Variants in PTPRN2 observed in about 807,000 individuals in gnomAD.
PTPRN2 encodes protein tyrosine phosphatase receptor type N2.
PTPRN2 carries 74 observed loss-of-function variants against 118.8 expected under a neutral mutation model. The observed-to-expected ratio is 0.62, with a 90% CI of 0.52 to 0.76. The LOEUF (loss-of-function observed/expected upper bound fraction) is 0.76. Among genes scored for constraint, PTPRN2 ranks in the 30% least tolerant of loss-of-function variants. PTPRN2 has a pLI of 0.00. For synonymous variants in PTPRN2, 641 were observed against 608.0 expected (o/e 1.05, Z -0.80); for missense variants, 1,481 against 1,394.4 (o/e 1.06, Z -0.99).
chr7:158,044,659 GAAC>G (rs1253202494), intron 11 of PTPRN2, among the ~76,000 whole-genome samples: 6 of 152,220 alleles, frequency 3.9e-5, no homozygotes, highest in African/African-American at 1.4e-4. Context: ...GGGACAAGGA[GAAC>G]CCGTGCTGAA....
chr7:157,944,339 G>A lies in PTPRN2; in HGVS notation c.1724-45602C>T, dbSNP rs1028644361. Reference sequence around the variant, plus strand: ...CAGTGGAGCCCACCACCCAAGCGGGGGCGGTACCACTCCCACCACTGACTG... The same window carrying A: ...CAGTGGAGCCCACCACCCAAGCGGGAGCGGTACCACTCCCACCACTGACTG... On this transcript the variant is annotated intron_variant, in intron 11 of 22. Coordinates refer to ENST00000389418, the MANE Select transcript of PTPRN2 (RefSeq NM_002847.5). The surrounding 1 kb of genome is among the most constrained non-coding windows in gnomAD (Gnocchi z 4.3). Among the ~76,000 whole-genome samples the A allele has an allele frequency of 6.6e-6, 1 of 152,178 alleles. No homozygotes were observed. Among genetic ancestry groups the A allele is most frequent in the Non-Finnish European group, 1.5e-5 (1 of 68,040 alleles).
At chr7:158,036,067 G>A (rs946474474) in intron 11 of PTPRN2, among the ~76,000 whole-genome samples, 3 of 152,138 alleles carry the variant, frequency 2.0e-5, no homozygotes. Flanking sequence ...TTAAAAATAT[G>A]AAGGAAATAC....
rs575508801 is a variant in PTPRN2 at position 158,279,325 on chromosome 7, C to T, written c.277+37494G>A. 1.8e-3 allele frequency among the ~76,000 whole-genome samples: 271 copies of T among 152,302 alleles called. 2 individuals are homozygous for T. Among genetic ancestry groups the T allele is most frequent in the African/African-American group, 6.2e-3 (256 of 41,578 alleles). On this transcript the variant is annotated intron_variant, in intron 3 of 22. Coordinates refer to ENST00000389418, the MANE Select transcript of PTPRN2 (RefSeq NM_002847.5). ...CAATCCTTTAGCTAGACACAGAGCA[C>T]TGATGGGTGCATTTACAATCCTTTA...
chr7:158,365,728 A>ACC (rs1725263115), intron 2 of PTPRN2, among the ~76,000 whole-genome samples: 2 of 138,946 alleles, frequency 1.4e-5, no homozygotes, highest in Non-Finnish European at 1.6e-5. Flanking sequence ...ACCCACACAC[A>ACC]CACAGCATCC....
intron 14 of PTPRN2, among the ~76,000 whole-genome samples, chr7:157,649,039 G>T (rs1805397854): frequency 7.1e-6 from 1 of 139,980 alleles, no homozygotes; most frequent in African/African-American, 2.7e-5. Context: ...AACTCGGTGG[G>T]TTGGACCCAT....
rs1804015653 is a variant in PTPRN2, at chr7:157,632,378, A to C, written c.2197-10869T>G. On this transcript the variant is annotated intron_variant, in intron 14 of 22. Transcript: ENST00000389418. The surrounding 1 kb of genome is among the most constrained non-coding windows in gnomAD (Gnocchi z 4.3). ...TACACATTTACAGAAAAATATGACA[A>C]TTTGATAAAGACTTAACAACAAAAA... Among the ~76,000 whole-genome samples the C allele has an allele frequency of 6.6e-6, 1 of 152,226 alleles. No homozygotes were observed.
At chr7:157,628,407 G>A (rs1180901070) in intron 14 of PTPRN2, among the ~76,000 whole-genome samples, 1 of 152,224 alleles carries the variant, frequency 6.6e-6, no homozygotes, top group African/African-American at 2.4e-5. Flanking sequence ...TTCAGGAGAG[G>A]AACCACCCTG....
intron 10 of PTPRN2, among the ~76,000 whole-genome samples, chr7:158,087,405 C>T (rs1169234974): frequency 6.6e-6 from 1 of 152,222 alleles, no homozygotes; most frequent in African/African-American, 2.4e-5. Context: ...TCGTGCCAGG[C>T]ACATCTATGG....
At chr7:157,797,606 G>A (rs1804954083) in intron 12 of PTPRN2, among the ~76,000 whole-genome samples, 1 of 152,224 alleles carries the variant, frequency 6.6e-6, no homozygotes, top group Non-Finnish European at 1.5e-5. Context: ...GCTCCTGGGT[G>A]TGCTGTGGGA....
chr7:157,706,223 T>C (rs1798322748), intron 12 of PTPRN2, among the ~76,000 whole-genome samples: 1 of 152,102 alleles, frequency 6.6e-6, no homozygotes, highest in African/African-American at 2.4e-5. Context: ...CTGACTCCAG[T>C]GCCTTCTGGA....
chr7:158,191,131 G>A (rs1004235855), intron 5 of PTPRN2, among the ~76,000 whole-genome samples: 4 of 152,216 alleles, frequency 2.6e-5, no homozygotes, highest in African/African-American at 9.6e-5. Context: ...GCGTCCTCTG[G>A]GAGGACTCTA....
chr7:157,658,302 TCCAAGAGC>T (rs1795698719), intron 13 of PTPRN2, among the ~76,000 whole-genome samples: 1 of 152,052 alleles, frequency 6.6e-6, no homozygotes, highest in African/African-American at 2.4e-5. Context: ...CAAAGCAATG[TCCAAGAGC>T]CCATGCAAGA....
chr7:158,190,123 C>G (rs1228481102), intron 5 of PTPRN2, among the ~76,000 whole-genome samples: 1 of 152,216 alleles, frequency 6.6e-6, no homozygotes. Flanking sequence ...ACGGTTACAG[C>G]TATTGCTGAC....
intron 17 of PTPRN2, among the ~76,000 whole-genome samples, chr7:157,582,139 G>T (rs1201319786): frequency 6.6e-6 from 1 of 152,190 alleles, no homozygotes; most frequent in Non-Finnish European, 1.5e-5. Flanking sequence ...CCTAGCAAGA[G>T]ATGCATCCGC....
rs993102786 is a variant in PTPRN2 at position 158,123,401 on chromosome 7, G to A, written c.1556+10276C>T. 2.0e-5 allele frequency among the ~76,000 whole-genome samples: 3 copies of A among 152,144 alleles called. 1 individual carries two copies. Among genetic ancestry groups the A allele is most frequent in the South Asian group, 4.1e-4 (2 of 4,830 alleles). On this transcript the variant is annotated intron_variant, in intron 9 of 22. Coordinates refer to ENST00000389418, the MANE Select transcript of PTPRN2 (RefSeq NM_002847.5). ...CACGGTGACCGACGCCATGGTGACC[G>A]ACGCCGCAGTGACCGACACCATGTC...
chr7:158,419,468 T>C (rs1460716824), intron 2 of PTPRN2, among the ~76,000 whole-genome samples: 1 of 151,902 alleles, frequency 6.6e-6, no homozygotes, highest in Admixed American at 6.6e-5. Context: ...CTCAGTCAAG[T>C]GCACGGGGCC....
intron 2 of PTPRN2, among the ~76,000 whole-genome samples, chr7:158,434,832 G>A (rs1816468570): frequency 6.6e-6 from 1 of 151,886 alleles, no homozygotes. Context: ...AATAACACGG[G>A]ACCTTGATTT....
intron 3 of PTPRN2, among the ~76,000 whole-genome samples, chr7:158,301,930 A>G (rs1200691851): frequency 2.0e-5 from 3 of 152,168 alleles, no homozygotes; most frequent in Non-Finnish European, 2.9e-5. Flanking sequence ...AGCCTGGGCA[A>G]TAGAGTAAGA....
At chr7:158,365,876 A>C (rs1809437922) in intron 2 of PTPRN2, among the ~76,000 whole-genome samples, 1 of 120,788 alleles carries the variant, frequency 8.3e-6, no homozygotes, top group African/African-American at 3.1e-5. Context: ...TCCCTGGGAG[A>C]AGCCGCAGCC....
Sources: allele counts gnomAD v4.1 joint callset (sites outside exome capture counted in the v4.1 genomes callset), GRCh38; gene constraint gnomAD v4.1.1; non-coding constraint Gnocchi (gnomAD v3.1); transcripts MANE v1.5; gene names NCBI Gene and HGNC (gene_info 2026-07-23, HGNC 2026-07-21).